The following LHFPL7 variants were observed in gnomAD, a reference collection of about 807,000 sequenced individuals.
LHFPL7 encodes LHFPL tetraspan subfamily member 7, also known as LHFPL tetraspan subfamily member 7 protein.
chr22:24,940,558 T>G, the LHFPL7 span, among the ~76,000 whole-genome samples: 56 of 150,692 alleles, frequency 3.7e-4, no homozygotes, highest in East Asian at 9.6e-3. Context: ...ATCGCACCAC[T>G]GCACTCCAGC....
chr22:24,938,068 G>GACTCATTC, the LHFPL7 span: 1 of 1,178,956 alleles, frequency 8.5e-7, no homozygotes, highest in Non-Finnish European at 1.1e-6. Flanking sequence ...TCTGCTCACA[G>GACTCATTC]ACTCATTCAT....
At chr22:24,935,322 C>T in the LHFPL7 span, 2 of 1,608,988 alleles carry the variant, frequency 1.2e-6, no homozygotes, top group East Asian at 2.2e-5. Flanking sequence ...TGTGCTACTC[C>T]CAGGAGATTT....
chr22:24,940,464 CG>C, the LHFPL7 span, among the ~76,000 whole-genome samples: 42 of 151,024 alleles, frequency 2.8e-4, no homozygotes, highest in Non-Finnish European at 4.1e-4. Flanking sequence ...GGCGTGGGAG[CG>C]GGCGCCTGTA....
At chr22:24,945,000 G>A in the LHFPL7 span, among the ~76,000 whole-genome samples, 5 of 151,914 alleles carry the variant, frequency 3.3e-5, no homozygotes, top group African/African-American at 1.2e-4. Flanking sequence ...AGTAGAGACG[G>A]GATTTCACCA....
At chr22:24,938,839 A>G in the LHFPL7 span, among the ~76,000 whole-genome samples, 1 of 152,204 alleles carries the variant, frequency 6.6e-6, no homozygotes, top group East Asian at 1.9e-4. Context: ...TAAACCTAGC[A>G]GTGTTTAGAG....
the LHFPL7 span, among the ~76,000 whole-genome samples, chr22:24,945,188 C>T: frequency 6.6e-6 from 1 of 152,146 alleles, no homozygotes; most frequent in Admixed American, 6.5e-5. Flanking sequence ...TAGGCATGAG[C>T]CACCGTGCCT....
the LHFPL7 span, among the ~76,000 whole-genome samples, chr22:24,942,084 T>C: frequency 6.6e-6 from 1 of 151,988 alleles, no homozygotes; most frequent in Non-Finnish European, 1.5e-5. Context: ...CAAGCTCTGC[T>C]TCCCGGGTTC....
chr22:24,941,190 A>G, the LHFPL7 span, among the ~76,000 whole-genome samples: 1 of 150,582 alleles, frequency 6.6e-6, no homozygotes, highest in Admixed American at 6.6e-5. Flanking sequence ...TTTTTGAAAC[A>G]GAGTCTTGCT....
chr22:24,940,904 G>T, the LHFPL7 span, among the ~76,000 whole-genome samples: 1 of 151,930 alleles, frequency 6.6e-6, no homozygotes, highest in Non-Finnish European at 1.5e-5. Context: ...GGGACTACTG[G>T]GGCAGCTAAT....
chr22:24,938,804 A>G, the LHFPL7 span, among the ~76,000 whole-genome samples: 8 of 152,306 alleles, frequency 5.3e-5, no homozygotes, highest in East Asian at 7.7e-4. Flanking sequence ...CATAGCTGGG[A>G]CTTTAACACC....
chr22:24,944,812 GT>G, the LHFPL7 span, among the ~76,000 whole-genome samples: 1 of 151,348 alleles, frequency 6.6e-6, no homozygotes, highest in Non-Finnish European at 1.5e-5. Flanking sequence ...TTTTTGTTTT[GT>G]TTTGTTTTTG....
the LHFPL7 span, among the ~76,000 whole-genome samples, chr22:24,946,218 G>A: frequency 6.6e-6 from 1 of 152,162 alleles, no homozygotes; most frequent in Non-Finnish European, 1.5e-5. Context: ...GCTGAGGCAA[G>A]AGAATCACTT....
At chr22:24,936,246 A>G in the LHFPL7 span, among the ~76,000 whole-genome samples, 1 of 152,064 alleles carries the variant, frequency 6.6e-6, no homozygotes, top group East Asian at 1.9e-4. Context: ...CCATCTGCCT[A>G]CTTAGCCACT....
chr22:24,945,873 A>G, the LHFPL7 span, among the ~76,000 whole-genome samples: 1 of 152,236 alleles, frequency 6.6e-6, no homozygotes, highest in Non-Finnish European at 1.5e-5. Flanking sequence ...CAATTTCTGG[A>G]TCTATTCCAG....
At chr22:24,945,787 C>T in the LHFPL7 span, among the ~76,000 whole-genome samples, 2 of 152,152 alleles carry the variant, frequency 1.3e-5, no homozygotes, top group African/African-American at 4.8e-5. Flanking sequence ...GGCTGAGATG[C>T]ACAGATGGGC....
At chr22:24,941,602 GTTTTTTTTT>G in the LHFPL7 span, among the ~76,000 whole-genome samples, 1 of 96,570 alleles carries the variant, frequency 1.0e-5, no homozygotes, top group Non-Finnish European at 2.2e-5. Context: ...GCGTATATTT[GTTTTTTTTT>G]TTTTTTTTGG....
the LHFPL7 span, among the ~76,000 whole-genome samples, chr22:24,945,701 A>G: frequency 6.6e-6 from 1 of 152,202 alleles, no homozygotes; most frequent in African/African-American, 2.4e-5. Flanking sequence ...ACACCATGAA[A>G]AAGCCTGGGG....
chr22:24,940,661 C>CCTTCCTTCCTTCCTTCCTTCCTTCCTT, the LHFPL7 span, among the ~76,000 whole-genome samples: 2 of 128,724 alleles, frequency 1.6e-5, no homozygotes, highest in Non-Finnish European at 3.2e-5. Context: ...TTCCTTCCTT[C>CCTTCCTTCCTTCCTTCCTTCCTTCCTT]CTTCCTTCCT....
the LHFPL7 span, among the ~76,000 whole-genome samples, chr22:24,941,758 C>A: frequency 2.6e-5 from 4 of 151,932 alleles, no homozygotes; most frequent in East Asian, 7.8e-4. Context: ...TAACCTCCGA[C>A]TCCCTGGTTC....
Sources: allele counts gnomAD v4.1 joint callset (sites outside exome capture counted in the v4.1 genomes callset), GRCh38; gene constraint gnomAD v4.1.1; transcripts MANE v1.5; gene names NCBI Gene and HGNC (gene_info 2026-07-23, HGNC 2026-07-21).